DLG2: variants seen among roughly 807,000 people sequenced by gnomAD.
DLG2 encodes discs large MAGUK scaffold protein 2, also known as disks large homolog 2.
A neutral mutation model predicts 132.5 loss-of-function variants in DLG2; 45 were observed. The ratio of observed to expected loss-of-function variants is 0.34; its 90% confidence interval spans 0.27 to 0.44. The LOEUF (loss-of-function observed/expected upper bound fraction) is 0.44. DLG2 is among the 20% of genes least tolerant of loss of function. The probability of loss-of-function intolerance (pLI) is 1.00; values close to 1 mark genes in which losing one functional copy is unlikely to be tolerated. For missense variants in DLG2, 1,045 were observed against 1,196.9 expected, an observed-to-expected ratio of 0.87 and a Z score of 1.87; for synonymous variants, 424 against 419.6, an observed-to-expected ratio of 1.01 and a Z score of -0.13.
intron 6 of DLG2, among the ~76,000 whole-genome samples, chr11:84,792,753 A>C (rs1019443602): frequency 6.6e-6 from 1 of 152,052 alleles, no homozygotes; most frequent in Non-Finnish European, 1.5e-5. Flanking sequence ...AATTTTGGCA[A>C]TATCAGTTTT....
intron 3 of DLG2, among the ~76,000 whole-genome samples, chr11:85,591,749 G>A (rs868466815): frequency 1.8e-4 from 28 of 151,976 alleles, no homozygotes; most frequent in African/African-American, 6.0e-4. Context: ...CTCAAAAAAA[G>A]AAGGAGAAAG....
intron 4 of DLG2, among the ~76,000 whole-genome samples, chr11:85,272,729 T>C (rs1454657004): frequency 6.6e-6 from 1 of 152,028 alleles, no homozygotes; most frequent in Non-Finnish European, 1.5e-5. Flanking sequence ...TACCAATGAC[T>C]CTTCACAGAA....
At chr11:85,407,151 T>C (rs1447862081) in intron 3 of DLG2, among the ~76,000 whole-genome samples, 1 of 151,488 alleles carries the variant, frequency 6.6e-6, no homozygotes, top group Non-Finnish European at 1.5e-5. Flanking sequence ...GTAGTGGAGG[T>C]AGAGGGACCA....
intron 22 of DLG2, among the ~76,000 whole-genome samples, chr11:83,476,293 C>T (rs2092611711): frequency 6.6e-6 from 1 of 152,094 alleles, no homozygotes; most frequent in Non-Finnish European, 1.5e-5. Flanking sequence ...TCTCTGTGAT[C>T]TTGACAGGCA....
At chr11:84,004,413 G>C (rs1413089768) in intron 11 of DLG2, among the ~76,000 whole-genome samples, 1 of 151,888 alleles carries the variant, frequency 6.6e-6, no homozygotes, top group East Asian at 1.9e-4. Flanking sequence ...TGTTCAACAA[G>C]CTAGGCAGAG....
At chr11:84,932,799 A>T (rs925427971) in intron 6 of DLG2, among the ~76,000 whole-genome samples, 4 of 152,102 alleles carry the variant, frequency 2.6e-5, no homozygotes, top group Non-Finnish European at 4.4e-5. Context: ...CTTTGCTATT[A>T]TAAATAGTGC....
intron 6 of DLG2, among the ~76,000 whole-genome samples, chr11:84,998,746 ATTT>A (rs897357148): frequency 5.3e-5 from 8 of 150,858 alleles, no homozygotes; most frequent in Non-Finnish European, 1.0e-4. Context: ...CCATAAGCGG[ATTT>A]TTTTTTGTCT....
intron 6 of DLG2, among the ~76,000 whole-genome samples, chr11:84,557,712 C>T (rs569363077): frequency 6.5e-4 from 97 of 150,296 alleles, no homozygotes; most frequent in African/African-American, 2.3e-3. Flanking sequence ...ATTTTCCTTT[C>T]CGGAATAACA....
intron 4 of DLG2, among the ~76,000 whole-genome samples, chr11:85,221,453 T>C (rs1009542003): frequency 3.3e-5 from 5 of 152,210 alleles, no homozygotes; most frequent in Admixed American, 6.5e-5. Flanking sequence ...AACTTCCTCA[T>C]AGGAAGACAC....
At chr11:84,306,503 T>C (rs1431218854) in intron 7 of DLG2, among the ~76,000 whole-genome samples, 4 of 152,208 alleles carry the variant, frequency 2.6e-5, no homozygotes, top group Non-Finnish European at 2.9e-5. Context: ...AGTGTAATGG[T>C]CCCTTGATTT....
chr11:85,387,823 G>A (rs970330008), intron 3 of DLG2, among the ~76,000 whole-genome samples: 3 of 152,298 alleles, frequency 2.0e-5, no homozygotes, highest in South Asian at 4.1e-4. Flanking sequence ...TGGCAGACAG[G>A]AAGGAGGCAG....
chr11:84,846,689 C>T (rs996021959), intron 6 of DLG2, among the ~76,000 whole-genome samples: 7 of 152,100 alleles, frequency 4.6e-5, no homozygotes, highest in Admixed American at 3.3e-4. Flanking sequence ...GTAGTCCCTT[C>T]CCACAAGGAA....
At chr11:85,020,776 T>C in intron 6 of DLG2, 1 of 704,088 alleles carries the variant, frequency 1.4e-6, no homozygotes, top group Non-Finnish European at 2.6e-6. Flanking sequence ...GCTATGTGCT[T>C]CAAAGTCATC....
At chr11:84,980,795 C>T (rs930243720) in intron 6 of DLG2, among the ~76,000 whole-genome samples, 5 of 152,180 alleles carry the variant, frequency 3.3e-5, no homozygotes, top group South Asian at 2.1e-4. Context: ...CCTATGATTC[C>T]GTGTGTATTA....
chr11:85,580,518 A>T (rs1212578709), intron 3 of DLG2, among the ~76,000 whole-genome samples: 1 of 152,262 alleles, frequency 6.6e-6, no homozygotes, highest in Non-Finnish European at 1.5e-5. Flanking sequence ...GCAAACACTT[A>T]TTGAGCATTT....
rs371121325 is a variant in DLG2 at position 83,907,312 on chromosome 11, G to A, written c.1496+23016C>T. Among the ~76,000 whole-genome samples, 4 of 152,218 alleles carry A rather than the reference G, an allele frequency of 2.6e-5. No homozygotes were observed. In the East Asian group the frequency reaches 7.7e-4, roughly 29 times the overall value. On this transcript the variant is annotated intron_variant, in intron 15 of 27. Coordinates refer to ENST00000376104, the MANE Select transcript of DLG2 (RefSeq NM_001142699.3). ...AAATAGGAATAAAACAGCACAGTGAGGAATATGGGCAGGTAAACAAATTAC... is the reference window on the plus strand; with the variant it reads ...AAATAGGAATAAAACAGCACAGTGAAGAATATGGGCAGGTAAACAAATTAC...
intron 3 of DLG2, among the ~76,000 whole-genome samples, chr11:85,444,330 G>T (rs2091914697): frequency 6.6e-6 from 1 of 152,160 alleles, no homozygotes; most frequent in African/African-American, 2.4e-5. Flanking sequence ...CACGACATTT[G>T]CAGCTATAGC....
chr11:84,844,105 T>A (rs1003355185), intron 6 of DLG2, among the ~76,000 whole-genome samples: 5 of 80,958 alleles, frequency 6.2e-5, no homozygotes, highest in African/African-American at 9.1e-5. Flanking sequence ...ATATATATGT[T>A]TGTGTGTGTG....
intron 6 of DLG2, among the ~76,000 whole-genome samples, chr11:84,944,582 T>TTTAA (rs3066343): frequency 0.11 from 17,009 of 149,298 alleles, 1,191 homozygotes; most frequent in African/African-American, 0.15. Context: ...CTTAACTGTT[T>TTTAA]TTAATTATTT....
Sources: allele counts gnomAD v4.1 joint callset (sites outside exome capture counted in the v4.1 genomes callset), GRCh38; gene constraint gnomAD v4.1.1; transcripts MANE v1.5; gene names NCBI Gene and HGNC (gene_info 2026-07-23, HGNC 2026-07-21).